The following MTCL1 variants were observed in gnomAD, a reference collection of about 807,000 sequenced individuals.
The protein encoded by MTCL1 is microtubule crosslinking factor 1.
A neutral mutation model predicts 141.4 loss-of-function variants in MTCL1; 79 were observed. That is an observed-to-expected ratio of 0.56 (90% confidence interval 0.47 to 0.67). The LOEUF is 0.67. MTCL1 is among the 30% of genes least tolerant of loss of function. The probability of loss-of-function intolerance (pLI) is 0.00; values close to 1 mark genes in which losing one functional copy is unlikely to be tolerated. For synonymous variants in MTCL1, 914 were observed against 875.8 expected (o/e 1.04, Z -0.77); for missense variants, 2,177 against 2,113.9 (o/e 1.03, Z -0.59).
intron 4 of MTCL1, among the ~76,000 whole-genome samples, chr18:8,744,872 G>A (rs2148924857): frequency 6.6e-6 from 1 of 152,316 alleles, no homozygotes; most frequent in East Asian, 1.9e-4. Flanking sequence ...CCACCCCCCG[G>A]AAGTTCCCTG....
In MTCL1 at chr18:8,830,147, CTG is replaced by C; in HGVS notation, c.*18+1186_*18+1187del. ...CCAAACCGTGTGTCCCAGTCAAGCA[CTG>C]TGGGCTGCAGTGAGATGAGGACACA... On this transcript the variant is annotated intron_variant, in intron 16 of 16. Transcript: ENST00000359865. The surrounding 1 kb of genome is among the most constrained non-coding windows in gnomAD (Gnocchi z 6.4). 2 of 985,476 alleles carry C rather than the reference CTG, an allele frequency of 2.0e-6. No homozygotes were observed. Among genetic ancestry groups the C allele is most frequent in the Non-Finnish European group, 2.4e-6 (2 of 829,990 alleles). 61.0% of individuals were successfully genotyped at this position (985,476 alleles called of 1,614,324 possible).
intron 1 of MTCL1, among the ~76,000 whole-genome samples, chr18:8,710,503 A>G (rs993349991): frequency 1.4e-5 from 2 of 138,396 alleles, no homozygotes; most frequent in African/African-American, 5.7e-5. Flanking sequence ...TAAATATTTA[A>G]TGTTTCCTTA....
intron 4 of MTCL1, among the ~76,000 whole-genome samples, chr18:8,743,546 G>C (rs1291652165): frequency 6.6e-6 from 1 of 152,256 alleles, no homozygotes; most frequent in Non-Finnish European, 1.5e-5. Context: ...CTGCAAGACT[G>C]TGTTCCTTCT....
At chr18:8,797,417 T>C (rs915470512) in intron 9 of MTCL1, among the ~76,000 whole-genome samples, 2 of 152,232 alleles carry the variant, frequency 1.3e-5, no homozygotes, top group Admixed American at 6.5e-5. Context: ...GCTTTTGTAT[T>C]GATTAAGTCA....
At chr18:8,718,838 G>A (rs1386263510) in intron 3 of MTCL1, among the ~76,000 whole-genome samples, 190 bp downstream of exon 2, 1 of 152,038 alleles carries the variant, frequency 6.6e-6, no homozygotes. Flanking sequence ...GTTTACATTT[G>A]TCATAATATG....
rs755765155 is a variant in MTCL1, at chr18:8,796,420, G to T, written c.2199G>T (p.Arg733=). 6.2e-6 allele frequency: 10 copies of T among 1,614,052 alleles called. No homozygotes were observed. The East Asian group carries it at 2.2e-4, about 36-fold the overall frequency. Reference sequence around the variant, plus strand: ...TCAGGTGGCTGCTGAAACACTGGCGGCAAGGGAAGCAGATGGAGGAGGAAG... The same window carrying T: ...TCAGGTGGCTGCTGAAACACTGGCGTCAAGGGAAGCAGATGGAGGAGGAAG... The change falls in exon 9 of 17, where the codon CGG becomes CGT. Residue 733 remains arginine, a synonymous_variant. Coordinates refer to ENST00000359865, the Ensembl canonical transcript of MTCL1.
Position 8,767,821 on chromosome 18 carries a change from A to G in MTCL1, c.358-10012A>G, listed in dbSNP as rs146203166. On this transcript the variant is annotated intron_variant, in intron 4 of 16. Coordinates refer to ENST00000359865, the Ensembl canonical transcript of MTCL1. ...AAAAAAAATCTATAAACAAAAACAT[A>G]AAGTCATCCATAATTCTATTCCCCA... 1.2e-3 allele frequency among the ~76,000 whole-genome samples: 181 copies of G among 152,318 alleles called. 1 individual carries two copies. The highest frequency in any genetic ancestry group is 4.2e-3 in the African/African-American group (173 of 41,566).
At chr18:8,776,054 T>C (rs2096506742) in intron 4 of MTCL1, among the ~76,000 whole-genome samples, 1 of 152,186 alleles carries the variant, frequency 6.6e-6, no homozygotes, top group Non-Finnish European at 1.5e-5. Flanking sequence ...TGTAAGGGAC[T>C]TGCATAGAGC....
chr18:8,785,877 T>G, intron 6 of MTCL1, 59 bp from the exon 6 acceptor site: 1 of 1,519,586 alleles, frequency 6.6e-7, no homozygotes, highest in Non-Finnish European at 8.8e-7. Flanking sequence ...TGTTTGTTTG[T>G]TTTTTTGTTT....
chr18:8,752,620 CTA>C (rs2148960067), intron 4 of MTCL1, among the ~76,000 whole-genome samples: 1 of 152,226 alleles, frequency 6.6e-6, no homozygotes, highest in Admixed American at 6.5e-5. Context: ...TGGGGGGTAA[CTA>C]TTTAAAAATC....
rs796484848 is a variant in MTCL1 at position 8,725,790 on chromosome 18, C to CTT, written c.357+5310_357+5311dup. Among the ~76,000 whole-genome samples, 344 of 60,964 alleles carry CTT rather than the reference C, an allele frequency of 5.6e-3. 4 individuals carry two copies. The highest frequency in any genetic ancestry group is 0.014 in the Middle Eastern group (1 of 74). 40.0% of individuals were successfully genotyped at this position (60,964 alleles called of 152,430 possible). A position where few individuals can be genotyped will look rare whatever the true frequency, so the allele number is the denominator to read the frequency against. ...GGTGCCATTTTCTTTTTTTTTTTTTCTTTTTTTTTTTTTTTTTGAGATGGA... is the reference window on the plus strand; with the variant it reads ...GGTGCCATTTTCTTTTTTTTTTTTTCTTTTTTTTTTTTTTTTTTTGAGATGGA... On this transcript the variant is annotated intron_variant, in intron 4 of 16. Coordinates refer to ENST00000359865, the Ensembl canonical transcript of MTCL1.
Position 8,757,409 on chromosome 18 carries a change from G to A in MTCL1, c.358-20424G>A, listed in dbSNP as rs544868929. ...AGATGTGTGTCCCGGCAACCAAGGA[G>A]ACCCCCCAGACTTTGTAACAGGTGA... On this transcript the variant is annotated intron_variant, in intron 4 of 16. Coordinates refer to ENST00000359865, the Ensembl canonical transcript of MTCL1. 2.0e-5 allele frequency among the ~76,000 whole-genome samples: 3 copies of A among 152,288 alleles called. No homozygotes were observed. In the South Asian group the frequency reaches 6.2e-4, roughly 32 times the overall value.
chr18:8,820,303 GGGAGACTGAGGCA>G (rs1464721075), intron 13 of MTCL1, among the ~76,000 whole-genome samples: 1 of 152,028 alleles, frequency 6.6e-6, no homozygotes, highest in African/African-American at 2.4e-5. Context: ...CCAGCTACTT[GGGAGACTGAGGCA>G]GGAGAATGGC....
At chr18:8,797,498 C>T (rs2075967333) in intron 9 of MTCL1, among the ~76,000 whole-genome samples, 2 of 152,194 alleles carry the variant, frequency 1.3e-5, no homozygotes, top group African/African-American at 2.4e-5. Flanking sequence ...GCGCCACTGG[C>T]GTTCTGTGTA....
upstream of MTCL1, among the ~76,000 whole-genome samples, chr18:8,716,206 G>C (rs2148791048): frequency 6.6e-6 from 1 of 152,292 alleles, no homozygotes; most frequent in South Asian, 2.1e-4. Context: ...CCAAGAAGAA[G>C]AACATTTTAT....
At chr18:8,739,561 G>C (rs2096291169) in intron 4 of MTCL1, among the ~76,000 whole-genome samples, 1 of 152,146 alleles carries the variant, frequency 6.6e-6, no homozygotes, top group Middle Eastern at 3.2e-3. Context: ...CATATTCAGA[G>C]AGGTCAGAGT....
intron 5 of MTCL1, among the ~76,000 whole-genome samples, chr18:8,780,130 A>T (rs77925056): frequency 1.3e-5 from 2 of 152,034 alleles, no homozygotes; most frequent in African/African-American, 4.8e-5. Context: ...TTTCACTTCA[A>T]CTTGTTGGGG....
intron 4 of MTCL1, among the ~76,000 whole-genome samples, chr18:8,758,543 C>CTT (rs1043977987): frequency 7.2e-5 from 11 of 152,164 alleles, no homozygotes; most frequent in African/African-American, 1.9e-4. Context: ...GTTGATTAAT[C>CTT]TCACCTGTGA....
At chr18:8,773,096 TACTC>T (rs1416265232) in intron 4 of MTCL1, among the ~76,000 whole-genome samples, 4 of 152,220 alleles carry the variant, frequency 2.6e-5, no homozygotes, top group East Asian at 1.9e-4. Flanking sequence ...ACCTCCATAG[TACTC>T]ACTCACGATG....
Sources: allele counts gnomAD v4.1 joint callset (sites outside exome capture counted in the v4.1 genomes callset), GRCh38; gene constraint gnomAD v4.1.1; non-coding constraint Gnocchi (gnomAD v3.1); transcripts MANE v1.5; gene names NCBI Gene and HGNC (gene_info 2026-07-23, HGNC 2026-07-21).